The following GMDS variants were observed in gnomAD, a reference collection of about 807,000 sequenced individuals.
The protein encoded by GMDS is GDP-mannose 4,6-dehydratase, also known as GDP-mannose 4,6 dehydratase.
In GMDS, 20 loss-of-function variants were observed where a neutral mutation model predicts 49.9. That is an observed-to-expected ratio of 0.40 (90% CI 0.28 to 0.58). The LOEUF is 0.58. GMDS is among the 20% of genes least tolerant of loss of function. The pLI is 0.42. For synonymous variants in GMDS, 177 were observed against 178.6 expected, an observed-to-expected ratio of 0.99 and a Z score of 0.07; for missense variants, 362 against 481.4, an observed-to-expected ratio of 0.75 and a Z score of 2.32.
chr6:1,817,762 T>C (rs1770730341), intron 7 of GMDS, among the ~76,000 whole-genome samples: 1 of 152,210 alleles, frequency 6.6e-6, no homozygotes, highest in Non-Finnish European at 1.5e-5. Context: ...TGCATGCTAT[T>C]CACGTGACCT....
At chr6:1,696,214 G>T (rs764580311) in intron 9 of GMDS, among the ~76,000 whole-genome samples, 71 of 152,190 alleles carry the variant, frequency 4.7e-4, no homozygotes, top group Admixed American at 1.2e-3. Context: ...TGACACTGAG[G>T]AAGTGACAAC....
chr6:1,905,559 C>A (rs867400298), intron 7 of GMDS, among the ~76,000 whole-genome samples: 3 of 139,490 alleles, frequency 2.2e-5, no homozygotes, highest in South Asian at 2.4e-4. Context: ...GGTGCCTGTG[C>A]ATCTGCATGT....
chr6:1,680,946 C>A (rs1581450355), intron 9 of GMDS, among the ~76,000 whole-genome samples: 1 of 152,328 alleles, frequency 6.6e-6, no homozygotes, highest in East Asian at 1.9e-4. Context: ...CAGAATGTAA[C>A]AACTAGTCTG....
intron 9 of GMDS, among the ~76,000 whole-genome samples, chr6:1,725,160 C>T (rs1031301838): frequency 6.6e-6 from 1 of 152,158 alleles, no homozygotes; most frequent in African/African-American, 2.4e-5. Context: ...AGTTAATGTT[C>T]ACTAGGTAAC....
intron 7 of GMDS, among the ~76,000 whole-genome samples, chr6:1,816,964 C>T (rs1029627210): frequency 7.3e-5 from 11 of 151,062 alleles, no homozygotes; most frequent in African/African-American, 2.7e-4. Context: ...AACATTTCAT[C>T]GAGAAAATAT....
intron 4 of GMDS, among the ~76,000 whole-genome samples, chr6:2,015,729 G>A (rs887618865): frequency 6.6e-6 from 1 of 152,034 alleles, no homozygotes; most frequent in African/African-American, 2.4e-5. Flanking sequence ...ACTATGAATT[G>A]GAACACACGT....
intron 4 of GMDS, among the ~76,000 whole-genome samples, chr6:2,096,977 T>C (rs980441147): frequency 3.3e-5 from 5 of 152,132 alleles, no homozygotes; most frequent in Non-Finnish European, 7.4e-5. Context: ...TTGTCTTTTT[T>C]ATATAGTCAC....
intron 5 of GMDS, among the ~76,000 whole-genome samples, chr6:1,960,285 G>A (rs1159455533): frequency 6.6e-6 from 1 of 152,128 alleles, no homozygotes; most frequent in Non-Finnish European, 1.5e-5. Flanking sequence ...GGAAAAAAAT[G>A]AGGATCTTAA....
At chr6:1,955,581 A>T (rs1386464005) in intron 6 of GMDS, among the ~76,000 whole-genome samples, 2 of 152,134 alleles carry the variant, frequency 1.3e-5, no homozygotes, top group Non-Finnish European at 2.9e-5. Context: ...GCTTTCACCA[A>T]CGGAGTGACT....
At chr6:1,981,231 C>CAA (rs58438955) in intron 4 of GMDS, among the ~76,000 whole-genome samples, 36 of 133,328 alleles carry the variant, frequency 2.7e-4, no homozygotes, top group African/African-American at 9.8e-4. Flanking sequence ...AAAAAACCTG[C>CAA]AAAAAAAAAA....
chr6:1,649,168 C>T (rs1450010617), intron 9 of GMDS, among the ~76,000 whole-genome samples: 1 of 152,180 alleles, frequency 6.6e-6, no homozygotes. Context: ...TGTCTAGCCA[C>T]TGGGGGTCCT....
intron 7 of GMDS, among the ~76,000 whole-genome samples, chr6:1,753,952 C>T (rs759524821): frequency 1.3e-5 from 2 of 151,956 alleles, no homozygotes; most frequent in Non-Finnish European, 2.9e-5. Context: ...AAATCAACAC[C>T]ATAACATCAC....
chr6:1,634,611 G>A (rs1442315016), intron 9 of GMDS, among the ~76,000 whole-genome samples: 1 of 152,082 alleles, frequency 6.6e-6, no homozygotes, highest in African/African-American at 2.4e-5. Context: ...ATCCTTTACC[G>A]GCCCAGCACA....
At chr6:2,240,733 C>T (rs1317320429) in intron 1 of GMDS, among the ~76,000 whole-genome samples, 1 of 152,000 alleles carries the variant, frequency 6.6e-6, no homozygotes. Context: ...ATGCTCAGTA[C>T]TTGTTAATTA....
At chr6:1,714,597 C>G (rs1766106598) in intron 9 of GMDS, among the ~76,000 whole-genome samples, 2 of 152,246 alleles carry the variant, frequency 1.3e-5, no homozygotes, top group South Asian at 4.1e-4. Context: ...TGGGGAAAGC[C>G]AGAGAACTGA....
chr6:1,990,240 G>A (rs1765850454), intron 4 of GMDS, among the ~76,000 whole-genome samples: 1 of 152,176 alleles, frequency 6.6e-6, no homozygotes, highest in Admixed American at 6.5e-5. Context: ...AGTTTGCAGT[G>A]AGCCGAGATG....
intron 7 of GMDS, among the ~76,000 whole-genome samples, chr6:1,757,904 T>C (rs922507515): frequency 2.0e-5 from 3 of 152,230 alleles, no homozygotes; most frequent in African/African-American, 7.2e-5. Flanking sequence ...ATCGAATATA[T>C]CCAGTATGTT....
At chr6:1,726,374 A>G (rs1468144497) in intron 9 of GMDS, 42 bp downstream of exon 9, 1 of 1,356,422 alleles carries the variant, frequency 7.4e-7, no homozygotes, top group Non-Finnish European at 1.1e-6. Flanking sequence ...CCAGCCAGCC[A>G]GCCAAATGTG....
At chr6:1,722,158 C>T (rs941570922) in intron 9 of GMDS, among the ~76,000 whole-genome samples, 1 of 149,966 alleles carries the variant, frequency 6.7e-6, no homozygotes, top group Non-Finnish European at 1.5e-5. Flanking sequence ...GCTCCACCTC[C>T]CGGGTTCCCA....
Sources: allele counts gnomAD v4.1 joint callset (sites outside exome capture counted in the v4.1 genomes callset), GRCh38; gene constraint gnomAD v4.1.1; transcripts MANE v1.5; gene names NCBI Gene and HGNC (gene_info 2026-07-23, HGNC 2026-07-21).